GABRR2: variants seen among roughly 807,000 people sequenced by gnomAD.
GABRR2 encodes gamma-aminobutyric acid receptor subunit rho-2.
In GABRR2, 36 loss-of-function variants were observed where a neutral mutation model predicts 47.0. That is an observed-to-expected ratio of 0.77 (90% CI 0.59 to 1.01). GABRR2 has a LOEUF of 1.01. Among genes scored for constraint, GABRR2 ranks in the 50% least tolerant of loss-of-function variants. The pLI, the probability that GABRR2 is intolerant of heterozygous loss-of-function variation, is 0.00. For synonymous variants in GABRR2, 204 were observed against 227.5 expected (o/e 0.90, Z 0.93); for missense variants, 587 against 594.6 (o/e 0.99, Z 0.13).
chr6:89,297,353 A>AG (rs1774573736), intron 2 of GABRR2, among the ~76,000 whole-genome samples: 1 of 152,206 alleles, frequency 6.6e-6, no homozygotes, highest in Admixed American at 6.5e-5. Context: ...ACATGCAAGT[A>AG]GGAGACAAGA....
chr6:89,303,198 A>G (rs1162607289), intron 1 of GABRR2: 2 of 382,820 alleles, frequency 5.2e-6, no homozygotes, highest in African/African-American at 4.3e-5. Flanking sequence ...CTTGCTGTCG[A>G]CACTGTCCCC....
intron 3 of GABRR2, among the ~76,000 whole-genome samples, chr6:89,271,002 A>AG (rs760598639): frequency 6.6e-6 from 1 of 152,230 alleles, no homozygotes; most frequent in East Asian, 1.9e-4. Context: ...TCTTTGAAGA[A>AG]GTCTCATTTT....
rs575292080 is a variant in GABRR2, at chr6:89,264,419, C to T, written c.1079G>A (p.Arg360Gln). Residue 360 changes from arginine to glutamine, a missense_variant, in exon 8 of 9, where the codon CGG becomes CAG. Physicochemically the swap from Arg to Gln is conservative, Grantham distance 43 (BLOSUM62 1). Coordinates refer to ENST00000402938, the MANE Select transcript of GABRR2 (RefSeq NM_002043.5). ...TVQERKERKL[R>Q]EKFPCMCGML... Reference sequence around the variant, plus strand: ...CCGAAGAAGCCCTCTCACCTTCTCCCGCAGCTTCCGTTCCTTGCGCTCCTG... The same window carrying T: ...CCGAAGAAGCCCTCTCACCTTCTCCTGCAGCTTCCGTTCCTTGCGCTCCTG... 21 of 1,613,322 alleles carry T rather than the reference C, an allele frequency of 1.3e-5. No individual in the cohort carries two copies. Among genetic ancestry groups the T allele is most frequent in the Middle Eastern group, 3.3e-4 (2 of 6,052 alleles).
intron 2 of GABRR2, among the ~76,000 whole-genome samples, chr6:89,286,839 C>T (rs556359443): frequency 6.6e-6 from 1 of 152,054 alleles, no homozygotes; most frequent in African/African-American, 2.4e-5. Flanking sequence ...GGCTTGTGTT[C>T]CAGAGGGAAG....
intron 2 of GABRR2, among the ~76,000 whole-genome samples, chr6:89,287,764 G>A (rs956660449): frequency 6.6e-6 from 1 of 152,234 alleles, no homozygotes; most frequent in Non-Finnish European, 1.5e-5. Context: ...CCAGAGCCCT[G>A]TGCTTAGTCA....
intron 7 of GABRR2, among the ~76,000 whole-genome samples, chr6:89,264,974 T>C (rs1773855325): frequency 6.6e-6 from 1 of 152,112 alleles, no homozygotes; most frequent in South Asian, 2.1e-4. Context: ...CCTTGAAGTT[T>C]GAGAACGTGC....
At chr6:89,311,045 G>A (rs1486991734) in intron 1 of GABRR2, among the ~76,000 whole-genome samples, 1 of 152,094 alleles carries the variant, frequency 6.6e-6, no homozygotes, top group African/African-American at 2.4e-5. Context: ...GTGCTGCCAA[G>A]GAGCTTTCAC....
chr6:89,265,838 T>C (rs1773883319), intron 6 of GABRR2, 73 bp from the exon 7 acceptor site: 11 of 1,479,312 alleles, frequency 7.4e-6, no homozygotes, highest in Non-Finnish European at 9.3e-6. Context: ...TGGGAACCCG[T>C]CTTTCACTGA....
At chr6:89,307,189 G>A (rs1409981649) in intron 1 of GABRR2, among the ~76,000 whole-genome samples, 2 of 152,144 alleles carry the variant, frequency 1.3e-5, no homozygotes, top group African/African-American at 4.8e-5. Context: ...ATCATCTCAA[G>A]TGGCTTTTAA....
At position 89,271,770 on chromosome 6, in the gene GABRR2, T is replaced by C. The variant is rs761043912; in HGVS notation, c.221-48A>G. The C allele has an allele frequency of 1.4e-5, 22 of 1,554,140 alleles. No individual in the cohort carries two copies. In the East Asian group the frequency reaches 3.9e-4, roughly 28 times the overall value. On this transcript the variant is annotated intron_variant, in intron 2 of 8. Transcript: ENST00000402938. ...GGTTAAGGCACCTTCCTCTCTACCT[T>C]TGGGCTGGGAACAGCCCCAGTTGGC...
intron 1 of GABRR2, among the ~76,000 whole-genome samples, chr6:89,311,301 T>A (rs780646197): frequency 2.6e-5 from 4 of 152,122 alleles, no homozygotes; most frequent in Admixed American, 1.3e-4. Context: ...CAGTTTTACA[T>A]CCATTTAGGA....
chr6:89,291,664 G>A (rs916027257), intron 2 of GABRR2, among the ~76,000 whole-genome samples: 8 of 152,026 alleles, frequency 5.3e-5, no homozygotes, highest in Admixed American at 6.6e-5. Flanking sequence ...ATCTCCTCTC[G>A]GGGCAGAACT....
intron 2 of GABRR2, among the ~76,000 whole-genome samples, chr6:89,284,142 C>T (rs1774296553): frequency 6.6e-6 from 1 of 152,002 alleles, no homozygotes; most frequent in East Asian, 1.9e-4. Context: ...AGACAGAGGT[C>T]AGAAAAATGG....
At chr6:89,282,138 T>TCA (rs1491558722) in intron 2 of GABRR2, among the ~76,000 whole-genome samples, 13 of 150,622 alleles carry the variant, frequency 8.6e-5, no homozygotes, top group Non-Finnish European at 1.3e-4. Flanking sequence ...ACACACTCTC[T>TCA]CACACACACA....
At chr6:89,290,453 C>T (rs1042519990) in intron 2 of GABRR2, among the ~76,000 whole-genome samples, 1 of 152,192 alleles carries the variant, frequency 6.6e-6, no homozygotes, top group African/African-American at 2.4e-5. Flanking sequence ...CTCAGGGGCT[C>T]GCCTGGAAAA....
intron 2 of GABRR2, among the ~76,000 whole-genome samples, chr6:89,292,742 A>ACGATAT (rs559393643): frequency 1.6e-4 from 16 of 98,242 alleles, no homozygotes; most frequent in Non-Finnish European, 2.8e-4. Flanking sequence ...TATCATATAT[A>ACGATAT]ATCGTATATA....
At chr6:89,287,272 G>A (rs563054028) in intron 2 of GABRR2, among the ~76,000 whole-genome samples, 47 of 152,360 alleles carry the variant, frequency 3.1e-4, no homozygotes, top group African/African-American at 1.1e-3. Context: ...CCCAAATGCA[G>A]CACACTTGGG....
intron 2 of GABRR2, among the ~76,000 whole-genome samples, chr6:89,298,596 A>G (rs73503979): frequency 0.045 from 6,816 of 152,318 alleles, 230 homozygotes; most frequent in African/African-American, 0.092. Context: ...GTCTTGGCCA[A>G]GGTTCATCAA....
At chr6:89,277,871 G>GGC (rs1774192734) in intron 2 of GABRR2, among the ~76,000 whole-genome samples, 2 of 140,284 alleles carry the variant, frequency 1.4e-5, no homozygotes, top group African/African-American at 5.2e-5. Flanking sequence ...GCGGGGGTGG[G>GGC]GGGGGGTGGG....
Sources: allele counts gnomAD v4.1 joint callset (sites outside exome capture counted in the v4.1 genomes callset), GRCh38; gene constraint gnomAD v4.1.1; transcripts MANE v1.5; gene names NCBI Gene and HGNC (gene_info 2026-07-23, HGNC 2026-07-21).